Variants in PDHB observed in about 807,000 individuals in gnomAD.
The protein encoded by PDHB is pyruvate dehydrogenase E1 subunit beta.
In PDHB, 17 loss-of-function variants were observed where a neutral mutation model predicts 42.8. The observed-to-expected ratio is 0.40, with a 90% CI of 0.27 to 0.60. The LOEUF (loss-of-function observed/expected upper bound fraction) is 0.60, where lower values mean the gene tolerates loss of function less well. Ranked by LOEUF, PDHB falls within the 20% of genes least tolerant of loss-of-function variation. PDHB has a pLI of 0.46. For missense variants in PDHB, 322 were observed against 451.3 expected (o/e 0.71, Z 2.60); for synonymous variants, 154 against 148.7 (o/e 1.04, Z -0.26).
In PDHB at chr3:58,431,342, A is replaced by T. The variant is rs2062918467; in HGVS notation, c.303+251T>A. 2.0e-6 allele frequency: 1 copy of T among 501,386 alleles called. No individual in the cohort carries two copies. Among genetic ancestry groups the T allele is most frequent in the Non-Finnish European group, 3.6e-6 (1 of 278,154 alleles). The allele number at this position is 501,386 out of a possible 1,614,324, so 31.1% of individuals were successfully genotyped here. On this transcript the variant is annotated intron_variant, in intron 5 of 9. Coordinates refer to ENST00000302746, the MANE Select transcript of PDHB (RefSeq NM_000925.4). This position sits in a 1 kb window ranked among gnomAD's most constrained non-coding sequence, Gnocchi z 4.4. ...GGCGGTCGGATCACTTGAGGCCAGG[A>T]GTTCAAGACCAGCCTGGCCAACATG...
Position 58,433,664 on chromosome 3 carries a change from C to A in PDHB, c.63G>T (p.Arg21Ser), listed in dbSNP as rs2062944019. The A allele has an allele frequency of 6.2e-7, 1 of 1,612,670 alleles. No individual in the cohort carries two copies. Among genetic ancestry groups the A allele is most frequent in the Non-Finnish European group, 8.5e-7 (1 of 1,179,708 alleles). ...PLREVSGLLK[R>S]RFHWTAPAAL... ...CAGCCGGCGCGGTCCAGTGAAAGCG[C>A]CTCTTCAGCAGCCCGGAGACCTGGC... The change falls in exon 2 of 10, where the codon AGG (arginine) becomes AGT (serine). Residue 21 changes from arginine to serine, a missense_variant. Arg to Ser is a moderately radical substitution (Grantham distance 110). This residue lies in a region of PDHB where 58 missense variants were observed against 42.1 expected (regional missense o/e 1.38). Coordinates refer to ENST00000302746, the MANE Select transcript of PDHB (RefSeq NM_000925.4).
At chr3:58,432,093 T>A (rs2062925566) in intron 2 of PDHB, 109 bp from the exon 3 acceptor site, 1 of 747,362 alleles carries the variant, frequency 1.3e-6, no homozygotes, top group East Asian at 2.6e-5. Context: ...ATAAAAACAC[T>A]AGAACAAGCT....
In PDHB at chr3:58,431,291, G is replaced by A. The variant is rs911310778; in HGVS notation, c.303+302C>T. Reference sequence around the variant, plus strand: ...GGGATGGGCACAGTGGCTCACGCCTGTAATCCCAGCACTTTGGGAGGCCAA... The same window carrying A: ...GGGATGGGCACAGTGGCTCACGCCTATAATCCCAGCACTTTGGGAGGCCAA... On this transcript the variant is annotated intron_variant, in intron 5 of 9. Coordinates refer to ENST00000302746, the MANE Select transcript of PDHB (RefSeq NM_000925.4). This position sits in a 1 kb window ranked among gnomAD's most constrained non-coding sequence, Gnocchi z 4.4. The A allele has an allele frequency of 1.9e-5, 9 of 464,678 alleles. No homozygotes were observed. Among genetic ancestry groups the A allele is most frequent in the Admixed American group, 1.0e-4 (3 of 28,672 alleles). 28.8% of individuals were successfully genotyped at this position (464,678 alleles called of 1,614,324 possible).
rs1576957608 is a variant in PDHB at position 58,431,296 on chromosome 3, C to T, written c.303+297G>A. On this transcript the variant is annotated intron_variant, in intron 5 of 9. Coordinates refer to ENST00000302746, the MANE Select transcript of PDHB (RefSeq NM_000925.4). The surrounding 1 kb of genome is among the most constrained non-coding windows in gnomAD (Gnocchi z 4.4). ...GGGCACAGTGGCTCACGCCTGTAAT[C>T]CCAGCACTTTGGGAGGCCAAGGCGG... 7 of 466,796 alleles carry T rather than the reference C, an allele frequency of 1.5e-5. No homozygotes were observed. The highest frequency in any genetic ancestry group is 1.3e-4 in the South Asian group (6 of 46,284). The allele number at this position is 466,796 out of a possible 1,614,324, so 28.9% of individuals were successfully genotyped here.
chr3:58,427,639 A>T lies in PDHB; in HGVS notation c.*395T>A, dbSNP rs1330843592. The T allele has an allele frequency of 2.9e-6, 1 of 345,250 alleles. No individual in the cohort carries two copies. Among genetic ancestry groups the T allele is most frequent in the Non-Finnish European group, 5.6e-6 (1 of 177,528 alleles). The allele number at this position is 345,250 out of a possible 1,614,324, so 21.4% of individuals were successfully genotyped here. ...AAAAAAAAAAAATTAGTCATGTTAG[A>T]AATTCCTTTATTCCTTATCAAAACA... On this transcript the variant is annotated 3_prime_UTR_variant, in exon 10 of 10. Transcript: ENST00000302746.
In PDHB at chr3:58,430,941, G is replaced by C. The variant is rs1173985067; in HGVS notation, c.305C>G (p.Ala102Gly). ...FAGIAVGAAM[A>G]GLRPICEFMT... The stretch of plus-strand genomic sequence containing the variant: ...AAATTCACAAATGGGCCGCAACCCA[G>C]CCTGTAAAATCAAAAACGTGGATGT... Residue 102 changes from alanine (A) to glycine (G), a missense_variant and splice_region_variant, in exon 6 of 10, where the codon GCT (alanine) becomes GGT (glycine). Around this residue, in one of 3 missense-constraint regions of PDHB, gnomAD observed 56 missense variants for 124.2 expected, o/e 0.45. Transcript: ENST00000302746. 1.2e-6 allele frequency: 2 copies of C among 1,614,014 alleles called. No homozygotes were observed. The highest frequency in any genetic ancestry group is 2.7e-5 in the African/African-American group (2 of 74,944).
At position 58,431,722 on chromosome 3, in the gene PDHB, A is replaced by C. The variant is rs746327054; in HGVS notation, c.267+9T>G. ...CCCTCCAGGGTCTGCTTCCCACTGG[A>C]AGGCTTACCTCTGATATGGGAGTGT... On this transcript the variant is annotated intron_variant, in intron 4 of 9. Transcript: ENST00000302746. The surrounding 1 kb of genome is among the most constrained non-coding windows in gnomAD (Gnocchi z 4.4). 4.3e-6 allele frequency: 7 copies of C among 1,612,294 alleles called. No homozygotes were observed. The Admixed American group carries it at 1.2e-4, about 27-fold the overall frequency.
intron 2 of PDHB, chr3:58,433,254 G>A: frequency 2.9e-6 from 1 of 345,392 alleles, no homozygotes; most frequent in Non-Finnish European, 5.4e-6. Flanking sequence ...TGATTAAAAA[G>A]TTCTGGAAAT....
In PDHB at chr3:58,431,495, C is replaced by T. The variant is rs563470839; in HGVS notation, c.303+98G>A. 6.1e-4 allele frequency: 566 copies of T among 934,830 alleles called. No individual in the cohort carries two copies. Among genetic ancestry groups the T allele is most frequent in the Non-Finnish European group, 9.4e-4 (535 of 569,690 alleles). The allele number at this position is 934,830 out of a possible 1,614,324, so 57.9% of individuals were successfully genotyped here. On this transcript the variant is annotated intron_variant, in intron 5 of 9. Transcript: ENST00000302746. This position sits in a 1 kb window ranked among gnomAD's most constrained non-coding sequence, Gnocchi z 4.4. ...CCTGGAAGCTGAGATGGTGCCAGTG[C>T]ACTCCAGGCTGGACAACAGAGTGAG...
At chr3:58,432,269 G>C in intron 2 of PDHB, 1 of 425,544 alleles carries the variant, frequency 2.3e-6, no homozygotes, top group Non-Finnish European at 4.3e-6. Context: ...GTAAAATCTA[G>C]TTAAAAAAAG....
intron 8 of PDHB, 66 bp from the exon 9 acceptor site, chr3:58,428,680 T>G: frequency 7.3e-7 from 1 of 1,375,936 alleles, no homozygotes; most frequent in Non-Finnish European, 1.0e-6. Flanking sequence ...ATCCCCATAA[T>G]ACCATTTCCT....
In PDHB at chr3:58,431,196, A is replaced by C; in HGVS notation, c.304-254T>G. ...GCTGGGACTGCAGGCAAGCACCACC[A>C]CATCTACCTACTTGGTATTTTTTTT... On this transcript the variant is annotated intron_variant, in intron 5 of 9. Transcript: ENST00000302746. The surrounding 1 kb of genome is among the most constrained non-coding windows in gnomAD (Gnocchi z 4.4). 1.8e-6 allele frequency: 1 copy of C among 546,316 alleles called. No individual in the cohort carries two copies. 33.8% of individuals were successfully genotyped at this position (546,316 alleles called of 1,614,324 possible).
intron 7 of PDHB, 96 bp from the exon 8 acceptor site, chr3:58,429,895 CTTCAA>C (rs952011760): frequency 9.7e-6 from 8 of 824,316 alleles, no homozygotes; most frequent in African/African-American, 6.7e-5. Context: ...TTCATAAAGT[CTTCAA>C]TTCAACTTCA....
chr3:58,430,250 A>C lies in PDHB; in HGVS notation c.590-12T>G. ...CTCTAGCACCACCACTGAAAAACAT[A>C]AATATTTAAACAAAAGTAATTAATC... is the stretch of plus-strand genomic sequence containing the variant. On this transcript the variant is annotated splice_polypyrimidine_tract_variant and intron_variant, in intron 6 of 9. Transcript: ENST00000302746. 2 of 1,512,164 alleles carry C rather than the reference A, an allele frequency of 1.3e-6. No homozygotes were observed. The highest frequency in any genetic ancestry group is 9.2e-7 in the Non-Finnish European group (1 of 1,090,246). 93.7% of individuals were successfully genotyped at this position (1,512,164 alleles called of 1,614,324 possible).
intron 8 of PDHB, 83 bp from the exon 9 acceptor site, chr3:58,428,697 T>G: frequency 3.2e-5 from 40 of 1,251,280 alleles, no homozygotes; most frequent in Non-Finnish European, 4.6e-5. Flanking sequence ...TCCTTTTTTG[T>G]TTCCTGTTAA....
chr3:58,432,173 A>G, intron 2 of PDHB, 189 bp from the exon 3 acceptor site: 1 of 623,362 alleles, frequency 1.6e-6, no homozygotes, highest in Non-Finnish European at 2.9e-6. Context: ...TGCATGTGTT[A>G]ATGTACTGAG....
At position 58,428,290 on chromosome 3, in the gene PDHB, G is replaced by A. The variant is rs1463229082; in HGVS notation, c.935-111C>T. On this transcript the variant is annotated intron_variant, in intron 9 of 9. Coordinates refer to ENST00000302746, the MANE Select transcript of PDHB (RefSeq NM_000925.4). ...AGAAAATGTAAGGAATGCTAATTAT[G>A]GGGAACCGCTTTCTGGATTTGCTTT... 46 of 1,215,522 alleles carry A rather than the reference G, an allele frequency of 3.8e-5. 1 individual carries two copies. The highest frequency in any genetic ancestry group is 3.3e-4 in the South Asian group (27 of 81,724). The allele number at this position is 1,215,522 out of a possible 1,614,324, so 75.3% of individuals were successfully genotyped here. A position where few individuals can be genotyped will look rare whatever the true frequency, so the allele number is the denominator to read the frequency against.
rs1426776976 is a variant in PDHB, at chr3:58,431,530, CAAAAGAA to C, written c.303+56_303+62del. 1.5e-6 allele frequency: 2 copies of C among 1,364,398 alleles called. No homozygotes were observed. Among genetic ancestry groups the C allele is most frequent in the African/African-American group, 1.4e-5 (1 of 69,290 alleles). 84.5% of individuals were successfully genotyped at this position (1,364,398 alleles called of 1,614,324 possible). A position where few individuals can be genotyped will look rare whatever the true frequency, so the allele number is the denominator to read the frequency against. On this transcript the variant is annotated intron_variant, in intron 5 of 9. Transcript: ENST00000302746. This position sits in a 1 kb window ranked among gnomAD's most constrained non-coding sequence, Gnocchi z 4.4. The stretch of plus-strand genomic sequence containing the variant: ...TGGACAACAGAGTGAGACTCTGTCT[CAAAAGAA>C]AAAAAAAGAAAACAAGAAATGTCTT...
rs1285779773 is a variant in PDHB, at chr3:58,431,099, G to A, written c.304-157C>T. ...TCACTGTCACCCATGCTGGAGTGCA[G>A]TGGCACACATCATAGCTCACTGCAG... On this transcript the variant is annotated intron_variant, in intron 5 of 9. Coordinates refer to ENST00000302746, the MANE Select transcript of PDHB (RefSeq NM_000925.4). The surrounding 1 kb of genome is among the most constrained non-coding windows in gnomAD (Gnocchi z 4.4). The A allele has an allele frequency of 2.8e-5, 21 of 740,112 alleles. No individual in the cohort carries two copies. In the East Asian group the frequency reaches 5.6e-4, roughly 20 times the overall value. The allele number at this position is 740,112 out of a possible 1,614,324, so 45.8% of individuals were successfully genotyped here. A position where few individuals can be genotyped will look rare whatever the true frequency, so the allele number is the denominator to read the frequency against.
Sources: allele counts gnomAD v4.1 joint callset, GRCh38; gene constraint gnomAD v4.1.1; regional missense constraint gnomAD v4.1.1; non-coding constraint Gnocchi (gnomAD v3.1); transcripts MANE v1.5; gene names NCBI Gene and HGNC (gene_info 2026-07-23, HGNC 2026-07-21).